Variants in HIKESHI observed in about 807,000 individuals in gnomAD.
HIKESHI encodes protein Hikeshi.
A neutral mutation model predicts 25.7 loss-of-function variants in HIKESHI; 13 were observed. That is an observed-to-expected ratio of 0.51 (90% CI 0.33 to 0.80). The LOEUF is 0.80. HIKESHI is among the 30% of genes least tolerant of loss of function. HIKESHI has a pLI of 0.02. For synonymous variants in HIKESHI, 76 were observed against 78.7 expected, an observed-to-expected ratio of 0.97 and a Z score of 0.18; for missense variants, 174 against 229.5, an observed-to-expected ratio of 0.76 and a Z score of 1.56.
At chr11:86,313,291 C>T (rs1308718518) in intron 2 of HIKESHI, among the ~76,000 whole-genome samples, 1 of 152,130 alleles carries the variant, frequency 6.6e-6, no homozygotes, top group African/African-American at 2.4e-5. Context: ...AGTGCATTGG[C>T]ACAATCTTTG....
intron 2 of HIKESHI, among the ~76,000 whole-genome samples, chr11:86,311,099 C>G (rs1459726306): frequency 6.6e-6 from 1 of 152,164 alleles, no homozygotes; most frequent in East Asian, 1.9e-4. Flanking sequence ...AGGATTCCCT[C>G]TTTTGCTATT....
intron 2 of HIKESHI, among the ~76,000 whole-genome samples, chr11:86,319,242 ATTT>A (rs1218981419): frequency 4.2e-5 from 4 of 94,952 alleles, no homozygotes; most frequent in African/African-American, 1.9e-4. Context: ...ATATATATAT[ATTT>A]TTTTTTTTTT....
chr11:86,315,015 A>C (rs916039931), intron 2 of HIKESHI, among the ~76,000 whole-genome samples: 5 of 152,238 alleles, frequency 3.3e-5, no homozygotes, highest in African/African-American at 9.6e-5. Flanking sequence ...CCCTTTATAC[A>C]TATGACATAG....
intron 2 of HIKESHI, among the ~76,000 whole-genome samples, chr11:86,336,377 C>T (rs886940351): frequency 1.3e-5 from 2 of 152,106 alleles, no homozygotes; most frequent in African/African-American, 2.4e-5. Flanking sequence ...AATCCTAACC[C>T]CCAAGGTATT....
At chr11:86,332,781 A>G (rs1947456712) in intron 2 of HIKESHI, among the ~76,000 whole-genome samples, 1 of 152,266 alleles carries the variant, frequency 6.6e-6, no homozygotes, top group Non-Finnish European at 1.5e-5. Context: ...TTATTCTTAA[A>G]CAACCCTTTA....
intron 2 of HIKESHI, among the ~76,000 whole-genome samples, chr11:86,319,638 A>G (rs291214): frequency 0.62 from 93,757 of 151,626 alleles, 29,159 homozygotes; most frequent in East Asian, 0.79. Flanking sequence ...TTATGTTTAT[A>G]TAAGTTTTTA....
At chr11:86,326,560 G>A (rs1282706719) in intron 2 of HIKESHI, 2 of 456,150 alleles carry the variant, frequency 4.4e-6, no homozygotes, top group Non-Finnish European at 8.8e-6. Flanking sequence ...ATCTGCATGT[G>A]TGTGTGAATA....
rs1157879870 is a variant in HIKESHI, at chr11:86,306,489, A to G, written c.268+7A>G. On this transcript the variant is annotated splice_region_variant and intron_variant, in intron 2 of 4. Transcript: ENST00000278483. The stretch of plus-strand genomic sequence containing the variant: ...ATTTCAGGTCTTAAATCTGGTAAGA[A>G]TAATATATTAAAGTAGTTTTATAAT... 11 of 1,512,010 alleles carry G rather than the reference A, an allele frequency of 7.3e-6. No homozygotes were observed. Among genetic ancestry groups the G allele is most frequent in the Admixed American group, 3.5e-5 (2 of 56,992 alleles). The allele number at this position is 1,512,010 out of a possible 1,614,324, so 93.7% of individuals were successfully genotyped here. A position where few individuals can be genotyped will look rare whatever the true frequency, so the allele number is the denominator to read the frequency against.
intron 2 of HIKESHI, among the ~76,000 whole-genome samples, chr11:86,328,119 T>C (rs1565735221): frequency 6.6e-6 from 1 of 152,224 alleles, no homozygotes; most frequent in Non-Finnish European, 1.5e-5. Context: ...CTGTTAAGGC[T>C]CTTGAAATCT....
chr11:86,320,773 A>G (rs987946262), intron 2 of HIKESHI, among the ~76,000 whole-genome samples: 1 of 152,196 alleles, frequency 6.6e-6, no homozygotes, highest in African/African-American at 2.4e-5. Context: ...CTAGGCAACT[A>G]CTGATGTACT....
chr11:86,341,037 C>G (rs891109467), intron 3 of HIKESHI, among the ~76,000 whole-genome samples: 2 of 152,162 alleles, frequency 1.3e-5, no homozygotes, highest in African/African-American at 2.4e-5. Flanking sequence ...TTCAACTTCC[C>G]TCCCCTTTTT....
At chr11:86,311,857 T>A (rs2266155) in intron 2 of HIKESHI, among the ~76,000 whole-genome samples, 93,828 of 151,614 alleles carry the variant, frequency 0.62, 29,197 homozygotes, top group East Asian at 0.79. Flanking sequence ...AATTTCCTTG[T>A]AGTTGAGCGG....
rs1947149698 is a variant in HIKESHI at position 86,321,641 on chromosome 11, T to G, written c.268+15159T>G. On this transcript the variant is annotated intron_variant, in intron 2 of 4. Coordinates refer to ENST00000278483, the MANE Select transcript of HIKESHI (RefSeq NM_016401.4). ...GCCTCCCACGTTCAAGTGATTCTCCTGCCTCAGCTTCCTGAGTAGTTGGAA... is the reference window on the plus strand; with the variant it reads ...GCCTCCCACGTTCAAGTGATTCTCCGGCCTCAGCTTCCTGAGTAGTTGGAA... 2.0e-5 allele frequency among the ~76,000 whole-genome samples: 3 copies of G among 152,142 alleles called. No individual in the cohort carries two copies. In the South Asian group the frequency reaches 6.2e-4, roughly 32 times the overall value.
At chr11:86,314,841 C>A (rs1946931299) in intron 2 of HIKESHI, among the ~76,000 whole-genome samples, 1 of 152,142 alleles carries the variant, frequency 6.6e-6, no homozygotes, top group African/African-American at 2.4e-5. Context: ...TCAACATCAC[C>A]TGGGAATCTG....
At chr11:86,329,580 T>C (rs1368034891) in intron 2 of HIKESHI, among the ~76,000 whole-genome samples, 2 of 151,830 alleles carry the variant, frequency 1.3e-5, no homozygotes, top group Non-Finnish European at 2.9e-5. Context: ...ATTTCTTTTT[T>C]TTTTTTTTTC....
chr11:86,334,999 A>G (rs1947515672), intron 2 of HIKESHI, among the ~76,000 whole-genome samples: 1 of 152,198 alleles, frequency 6.6e-6, no homozygotes, highest in Non-Finnish European at 1.5e-5. Flanking sequence ...AATCAGGGGA[A>G]CATTTAATCA....
intron 2 of HIKESHI, among the ~76,000 whole-genome samples, chr11:86,316,787 T>C (rs1347417478): frequency 8.8e-4 from 24 of 27,202 alleles, no homozygotes; most frequent in Non-Finnish European, 1.6e-3. Context: ...TTTTTTTTTT[T>C]TTTTTTTTTT....
In HIKESHI at chr11:86,319,944, A is replaced by AT. The variant is rs956734742; in HGVS notation, c.268+13470dup. ...AAAGTGATAATATTCTAATTTTGTC[A>AT]TTTTTTTTAATATCTGTAAAGTCTG... On this transcript the variant is annotated intron_variant, in intron 2 of 4. Transcript: ENST00000278483. Among the ~76,000 whole-genome samples the AT allele has an allele frequency of 2.0e-4, 31 of 151,934 alleles. No individual in the cohort carries two copies. The East Asian group carries it at 3.1e-3, about 15-fold the overall frequency.
intron 2 of HIKESHI, among the ~76,000 whole-genome samples, chr11:86,309,826 G>C (rs1280506485): frequency 1.3e-5 from 2 of 152,120 alleles, no homozygotes; most frequent in African/African-American, 4.8e-5. Context: ...ATTAAATAGG[G>C]AATCCTTTCC....
Sources: gnomAD v4.1 joint callset for allele counts (sites outside exome capture counted in the v4.1 genomes callset) on GRCh38, gnomAD v4.1.1 for gene constraint, MANE v1.5 for transcripts, NCBI Gene and HGNC (gene_info 2026-07-23, HGNC 2026-07-21) for gene names.